The following ANO2 variants were observed in gnomAD, a reference collection of about 807,000 sequenced individuals.
ANO2 encodes anoctamin 2.
ANO2 carries 101 observed loss-of-function variants against 124.2 expected under a neutral mutation model. The ratio of observed to expected loss-of-function variants is 0.81; its 90% CI spans 0.69 to 0.96. ANO2 has a LOEUF of 0.96. ANO2 is among the 40% of genes least tolerant of loss of function. ANO2 has a pLI of 0.00. For synonymous variants in ANO2, 486 were observed against 482.5 expected (o/e 1.01, Z -0.09); for missense variants, 1,293 against 1,274.5 (o/e 1.01, Z -0.22).
intron 3 of ANO2, among the ~76,000 whole-genome samples, chr12:5,890,177 C>T (rs1290228443): frequency 6.6e-6 from 1 of 152,174 alleles, no homozygotes; most frequent in Admixed American, 6.5e-5. Flanking sequence ...GATGACAAGG[C>T]CTCCCATGGC....
chr12:5,862,490 G>T lies in ANO2; in HGVS notation c.535-8349C>A, dbSNP rs1391802896. ...GACCTATCACCACAGTCTCCACTCCGTGTATCACACATCATTGCACTCCAA... is the reference window on the plus strand; with the variant it reads ...GACCTATCACCACAGTCTCCACTCCTTGTATCACACATCATTGCACTCCAA... On this transcript the variant is annotated intron_variant, in intron 3 of 24. Transcript: ENST00000682330. This position sits in a 1 kb window ranked among gnomAD's most constrained non-coding sequence, Gnocchi z 4.0. Among the ~76,000 whole-genome samples, 1 of 152,136 alleles carries T rather than the reference G, an allele frequency of 6.6e-6. No homozygotes were observed. The highest frequency in any genetic ancestry group is 6.5e-5 in the Admixed American group (1 of 15,276).
chr12:5,938,215 G>T (rs570649473), intron 1 of ANO2, among the ~76,000 whole-genome samples: 2 of 152,190 alleles, frequency 1.3e-5, no homozygotes, highest in African/African-American at 4.8e-5. Flanking sequence ...CAGGCATTTT[G>T]CTGCTCCAAA....
chr12:5,649,396 C>T (rs1258677196), intron 14 of ANO2, among the ~76,000 whole-genome samples: 1 of 152,186 alleles, frequency 6.6e-6, no homozygotes, highest in African/African-American at 2.4e-5. Flanking sequence ...GCCCAACAGG[C>T]TTTCCATCAC....
intron 14 of ANO2, among the ~76,000 whole-genome samples, chr12:5,728,957 C>A (rs1950539253): frequency 1.3e-5 from 2 of 152,218 alleles, no homozygotes; most frequent in East Asian, 1.9e-4. Context: ...ATTTGAATAC[C>A]CTCCTTAAAT....
intron 14 of ANO2, among the ~76,000 whole-genome samples, chr12:5,662,138 G>A (rs1947477521): frequency 6.6e-6 from 1 of 152,262 alleles, no homozygotes. Context: ...GGAGTAAGAA[G>A]GGCAAGAACT....
chr12:5,857,585 T>C (rs999993339), intron 3 of ANO2, among the ~76,000 whole-genome samples: 2 of 152,186 alleles, frequency 1.3e-5, no homozygotes, highest in African/African-American at 4.8e-5. Context: ...TGAGATGATA[T>C]CTAATTGTGA....
At chr12:5,851,809 G>C (rs1371177679) in intron 4 of ANO2, 2 of 667,084 alleles carry the variant, frequency 3.0e-6, no homozygotes, top group Non-Finnish European at 5.4e-6. Flanking sequence ...AAAAGAATGA[G>C]AGTAGAAAGA....
rs919009555 is a variant in ANO2 at position 5,578,494 on chromosome 12, A to G, written c.2258T>C (p.Leu753Pro). The change falls in exon 21 of 25, where the codon CTC becomes CCC. Residue 753 changes from leucine (L) to proline (P), a missense_variant. By Grantham distance (98) the Leu-to-Pro change is moderately conservative. Coordinates refer to ENST00000682330, the MANE Select transcript of ANO2 (RefSeq NM_001364791.2). ...EMIIQFGFVT[L>P]FVASFPLAPV... is the part of the protein sequence containing the mutation. The stretch of plus-strand genomic sequence containing the variant: ...TGCCAGGGGAAAGGAGGCCACGAAG[A>G]GGGTGACAAAACCAAACTGGATGAC... 13 of 1,613,710 alleles carry G rather than the reference A, an allele frequency of 8.1e-6. No homozygotes were observed. The highest frequency in any genetic ancestry group is 1.0e-5 in the Non-Finnish European group (12 of 1,179,828).
intron 1 of ANO2, among the ~76,000 whole-genome samples, chr12:5,944,348 G>A (rs1229972588): frequency 6.6e-6 from 1 of 152,178 alleles, no homozygotes; most frequent in Non-Finnish European, 1.5e-5. Context: ...TGTCCCAGAC[G>A]AGGTTCCACA....
At chr12:5,612,783 C>T (rs769155806) in intron 18 of ANO2, 27 bp from the exon 19 acceptor site, 20 of 1,612,152 alleles carry the variant, frequency 1.2e-5, no homozygotes, top group South Asian at 2.2e-5. Context: ...AGGAAAGGAC[C>T]GGTTAGAACA....
At chr12:5,660,767 G>C (rs1023990254) in intron 14 of ANO2, among the ~76,000 whole-genome samples, 2 of 152,188 alleles carry the variant, frequency 1.3e-5, no homozygotes, top group Admixed American at 6.5e-5. Flanking sequence ...GACTCAGAGA[G>C]TGGATATCAG....
In ANO2 at chr12:5,614,700, T is replaced by C. The variant is rs111359151; in HGVS notation, c.1928+486A>G. ...TGAATTATTGAATCTGATGGAGTAATGAGAGCTCTGGAATTATAGCCAGTG... is the reference window on the plus strand; with the variant it reads ...TGAATTATTGAATCTGATGGAGTAACGAGAGCTCTGGAATTATAGCCAGTG... On this transcript the variant is annotated intron_variant, in intron 17 of 24. Transcript: ENST00000682330. Among the ~76,000 whole-genome samples the C allele has an allele frequency of 5.4e-3, 827 of 152,288 alleles. 6 individuals carry two copies. The highest frequency in any genetic ancestry group is 0.018 in the African/African-American group (765 of 41,548).
intron 10 of ANO2, among the ~76,000 whole-genome samples, chr12:5,798,364 G>T (rs370376267): frequency 6.6e-6 from 1 of 152,072 alleles, no homozygotes; most frequent in Non-Finnish European, 1.5e-5. Context: ...AGCTCTGTCC[G>T]CTGGGAGGGC....
At chr12:5,628,665 AGAGT>A (rs1945533201) in intron 16 of ANO2, among the ~76,000 whole-genome samples, 1 of 133,552 alleles carries the variant, frequency 7.5e-6, no homozygotes, top group East Asian at 2.5e-4. Context: ...GGGTAAGCAG[AGAGT>A]GTGTGTGTGT....
At chr12:5,634,272 G>A (rs1330966961) in intron 16 of ANO2, among the ~76,000 whole-genome samples, 4 of 152,100 alleles carry the variant, frequency 2.6e-5, no homozygotes, top group African/African-American at 4.8e-5. Context: ...GCAACTTTCC[G>A]GAATTCTCCA....
intron 14 of ANO2, among the ~76,000 whole-genome samples, chr12:5,686,869 C>A (rs1237094292): frequency 1.3e-5 from 2 of 152,208 alleles, no homozygotes; most frequent in African/African-American, 4.8e-5. Flanking sequence ...TCACTTAAGC[C>A]TCAAGTGCAT....
intron 3 of ANO2, among the ~76,000 whole-genome samples, chr12:5,903,385 A>G (rs1196967249): frequency 6.6e-6 from 1 of 152,182 alleles, no homozygotes; most frequent in African/African-American, 2.4e-5. Flanking sequence ...TGTTTCCTGG[A>G]CAAATATTAA....
At position 5,769,134 on chromosome 12, in the gene ANO2, A is replaced by T. The variant is rs1271024883; in HGVS notation, c.1056-18164T>A. ...AAAACACACCATTTGCAAGGAGAGG[A>T]CCCTAGATTTACGACACTCTCCTGT... On this transcript the variant is annotated intron_variant, in intron 10 of 24. Coordinates refer to ENST00000682330, the MANE Select transcript of ANO2 (RefSeq NM_001364791.2). This position sits in a 1 kb window ranked among gnomAD's most constrained non-coding sequence, Gnocchi z 4.0. Among the ~76,000 whole-genome samples the T allele has an allele frequency of 6.6e-6, 1 of 152,044 alleles. No individual in the cohort carries two copies. Among genetic ancestry groups the T allele is most frequent in the Non-Finnish European group, 1.5e-5 (1 of 68,004 alleles).
chr12:5,629,551 A>G (rs1288922921), intron 16 of ANO2, among the ~76,000 whole-genome samples: 1 of 151,662 alleles, frequency 6.6e-6, no homozygotes, highest in Non-Finnish European at 1.5e-5. Flanking sequence ...CTGCAGCCCT[A>G]TTTGCTGTAT....
Sources: gnomAD v4.1 joint callset for allele counts (sites outside exome capture counted in the v4.1 genomes callset) on GRCh38, gnomAD v4.1.1 for gene constraint, Gnocchi (gnomAD v3.1) non-coding constraint, MANE v1.5 for transcripts, NCBI Gene and HGNC (gene_info 2026-07-23, HGNC 2026-07-21) for gene names.